Variants in GIPC1 observed in about 807,000 individuals in gnomAD.
The protein encoded by GIPC1 is GIPC PDZ domain containing family member 1, also known as PDZ domain-containing protein GIPC1.
A neutral mutation model predicts 28.5 loss-of-function variants in GIPC1; 15 were observed. The observed-to-expected ratio is 0.53, with a 90% CI of 0.35 to 0.81. The LOEUF is 0.81. Ranked by LOEUF, GIPC1 falls within the 30% of genes least tolerant of loss-of-function variation. GIPC1 has a pLI of 0.01. For synonymous variants in GIPC1, 224 were observed against 206.1 expected (o/e 1.09, Z -0.74); for missense variants, 439 against 481.9 (o/e 0.91, Z 0.83).
intron 3 of GIPC1, among the ~76,000 whole-genome samples, chr19:14,490,321 G>A (rs868241816): frequency 1.3e-5 from 2 of 151,712 alleles, no homozygotes; most frequent in African/African-American, 2.4e-5. Context: ...AATCAAGACC[G>A]TGCCATTGCA....
intron 3 of GIPC1, 81 bp from the exon 4 acceptor site, chr19:14,483,087 A>G: frequency 1.1e-6 from 1 of 903,352 alleles, no homozygotes; most frequent in Non-Finnish European, 1.7e-6. Context: ...ATACAGGCCC[A>G]AGGAAATACT....
chr19:14,480,973 T>C (rs942535422), intron 4 of GIPC1, 195 bp from the exon 5 acceptor site: 2 of 568,018 alleles, frequency 3.5e-6, no homozygotes, highest in African/African-American at 3.8e-5. Flanking sequence ...AGGATTTAGT[T>C]TTCCTTTCTC....
chr19:14,491,476 C>A (rs1030866698), intron 3 of GIPC1, among the ~76,000 whole-genome samples, 180 bp downstream of exon 3: 2 of 151,940 alleles, frequency 1.3e-5, no homozygotes, highest in African/African-American at 4.8e-5. Context: ...CCAGGCTGGT[C>A]TGGAACTCCT....
rs2071642963 is a variant in GIPC1 at position 14,478,292 on chromosome 19, C to G, written c.*124G>C. 1 of 1,003,152 alleles carries G rather than the reference C, an allele frequency of 1.0e-6. No individual in the cohort carries two copies. The highest frequency in any genetic ancestry group is 1.6e-5 in the African/African-American group (1 of 61,512). 62.1% of individuals were successfully genotyped at this position (1,003,152 alleles called of 1,614,324 possible). ...CAGGGGGCCTGGCCCCACCTCCCCT[C>G]ACCATCGTCCTTGGGCTGCTGAGCT... On this transcript the variant is annotated 3_prime_UTR_variant, in exon 9 of 9. Transcript: ENST00000393033. This position sits in a 1 kb window ranked among gnomAD's most constrained non-coding sequence, Gnocchi z 5.2.
rs2071638028 is a variant in GIPC1 at position 14,478,110 on chromosome 19, G to T, written c.*306C>A. 1 of 350,184 alleles carries T rather than the reference G, an allele frequency of 2.9e-6. No individual in the cohort carries two copies. The highest frequency in any genetic ancestry group is 5.3e-6 in the Non-Finnish European group (1 of 189,342). 21.7% of individuals were successfully genotyped at this position (350,184 alleles called of 1,614,324 possible). A position where few individuals can be genotyped will look rare whatever the true frequency, so the allele number is the denominator to read the frequency against. ...AGGGACCAGTTTGGCAGCTGATGGT[G>T]GAAAGTGGTGGAGGCGGGGGTGGCC... On this transcript the variant is annotated 3_prime_UTR_variant, in exon 9 of 9. Transcript: ENST00000393033. The surrounding 1 kb of genome is among the most constrained non-coding windows in gnomAD (Gnocchi z 5.2).
chr19:14,480,528 G>A, intron 5 of GIPC1, 43 bp from the exon 6 acceptor site: 1 of 1,604,650 alleles, frequency 6.2e-7, no homozygotes, highest in Non-Finnish European at 8.5e-7. Context: ...CTCTGCCCTG[G>A]TTTCCGGGGT....
rs754077001 is a variant in GIPC1, at chr19:14,482,796, G to A, written c.181C>T (p.His61Tyr). The change falls in exon 4 of 9, where the codon CAC becomes TAC. Residue 61 changes from histidine to tyrosine, a missense_variant. Transcript: ENST00000393033. ...PPALRPRLVF[H>Y]TQLAHGSPTG... ...GGACTGCCATGGGCCAGCTGGGTGT[G>A]GAACACGAGGCGGGGCCGCAGGGCT... 12 of 1,605,634 alleles carry A rather than the reference G, an allele frequency of 7.5e-6. No homozygotes were observed. In the South Asian group the frequency reaches 1.2e-4, roughly 16 times the overall value.
In GIPC1 at chr19:14,490,055, G is replaced by A. The variant is rs137977110; in HGVS notation, c.-31+1601C>T. Among the ~76,000 whole-genome samples the A allele has an allele frequency of 3.6e-3, 549 of 152,214 alleles. 5 individuals carry two copies. Among genetic ancestry groups the A allele is most frequent in the African/African-American group, 0.012 (513 of 41,528 alleles). ...AATGAGTGCTTGCTCTCAAGAGCCC[G>A]GATTAGTTCTCCAGAACTTACAGTA... On this transcript the variant is annotated intron_variant, in intron 3 of 8. Transcript: ENST00000393033.
At chr19:14,493,958 G>A (rs1427102325) in intron 1 of GIPC1, among the ~76,000 whole-genome samples, 2 of 148,158 alleles carry the variant, frequency 1.3e-5, no homozygotes, top group Non-Finnish European at 3.0e-5. Context: ...ACCACGCCTG[G>A]CCTATTTTTA....
Position 14,487,033 on chromosome 19 carries a change from C to T in GIPC1, c.-30-4027G>A, listed in dbSNP as rs116101834. The stretch of plus-strand genomic sequence containing the variant: ...TGTATTCTGTGCACCATTTTAGATA[C>T]TGTCTTCAATAAAAAAAGCAAGATC... On this transcript the variant is annotated intron_variant, in intron 3 of 8. Transcript: ENST00000393033. Among the ~76,000 whole-genome samples, 960 of 151,410 alleles carry T rather than the reference C, an allele frequency of 6.3e-3. 9 individuals are homozygous for T. Among genetic ancestry groups the T allele is most frequent in the African/African-American group, 0.022 (915 of 41,224 alleles).
At chr19:14,480,557 TC>T in intron 5 of GIPC1, 35 bp downstream of exon 5, 1 of 1,608,290 alleles carries the variant, frequency 6.2e-7, no homozygotes, top group Non-Finnish European at 8.5e-7. Flanking sequence ...CCACCCTCAC[TC>T]CCAGGCCTCC....
chr19:14,479,585 G>A, intron 6 of GIPC1, 61 bp from the exon 7 acceptor site: 2 of 847,886 alleles, frequency 2.4e-6, no homozygotes, highest in South Asian at 2.3e-5. Context: ...GTTCTGGGCA[G>A]GAACTTGTCC....
In GIPC1 at chr19:14,496,042, C is replaced by CCGT. The variant is rs1599369481; in HGVS notation, c.-181_-180insACG. ...TTCTCGCAGAGGCCACTCACCTGCT[C>CCGT]CGCCGCCGCCGCCGCCGCCGCCGCC... is the stretch of plus-strand genomic sequence containing the variant. On this transcript the variant is annotated 5_prime_UTR_variant, in exon 1 of 9. Coordinates refer to ENST00000393033, the MANE Select transcript of GIPC1 (RefSeq NM_005716.4). The CCGT allele has an allele frequency of 6.7e-5, 5 of 74,106 alleles. No individual in the cohort carries two copies. In the East Asian group the frequency reaches 6.8e-4, roughly 10 times the overall value. 4.6% of individuals were successfully genotyped at this position (74,106 alleles called of 1,614,324 possible).
At chr19:14,486,712 C>CTTTCT (rs2071852296) in intron 3 of GIPC1, among the ~76,000 whole-genome samples, 1 of 124,756 alleles carries the variant, frequency 8.0e-6, no homozygotes, top group African/African-American at 3.0e-5. Flanking sequence ...TTCTTTCTTT[C>CTTTCT]TTTTTTTTTT....
In GIPC1 at chr19:14,482,922, C is replaced by T. The variant is rs763404261; in HGVS notation, c.55G>A (p.Glu19Lys). 10 of 1,610,148 alleles carry T rather than the reference C, an allele frequency of 6.2e-6. No individual in the cohort carries two copies. Among genetic ancestry groups the T allele is most frequent in the Non-Finnish European group, 7.6e-6 (9 of 1,178,994 alleles). ...KKAPPLVENE[E>K]AEPGRGGLGV... ...AGCCCTCCACGGCCTGGCTCAGCCTCCTCATTTTCCACTAGAGGGGGCGCC... is the reference window on the plus strand; with the variant it reads ...AGCCCTCCACGGCCTGGCTCAGCCTTCTCATTTTCCACTAGAGGGGGCGCC... Residue 19 changes from glutamate (E) to lysine (K), a missense_variant, in exon 4 of 9, where the codon GAG (glutamate) becomes AAG (lysine). Transcript: ENST00000393033.
intron 4 of GIPC1, chr19:14,481,609 TA>T (rs1264722866): frequency 2.0e-5 from 3 of 149,988 alleles, no homozygotes; most frequent in Non-Finnish European, 4.4e-5. Context: ...TAATCCCAGC[TA>T]CTCGGGAGGC....
chr19:14,486,415 G>A (rs756562444), intron 3 of GIPC1, among the ~76,000 whole-genome samples: 4 of 152,118 alleles, frequency 2.6e-5, no homozygotes, highest in Non-Finnish European at 4.4e-5. Flanking sequence ...ATTATTTCTG[G>A]CAAATAGGTT....
At chr19:14,489,772 T>C in intron 3 of GIPC1, among the ~76,000 whole-genome samples, 1 of 152,230 alleles carries the variant, frequency 6.6e-6, no homozygotes, top group East Asian at 1.9e-4. Flanking sequence ...GTTCTGAATA[T>C]ACAATATTAG....
chr19:14,479,901 G>A (rs117968438), intron 6 of GIPC1: 7,821 of 406,838 alleles, frequency 0.019, 132 homozygotes, highest in East Asian at 0.072. Context: ...AGCCCTACCT[G>A]CCCAGGGAAG....
Sources: gnomAD v4.1 joint callset for allele counts (sites outside exome capture counted in the v4.1 genomes callset) on GRCh38, gnomAD v4.1.1 for gene constraint, Gnocchi (gnomAD v3.1) non-coding constraint, MANE v1.5 for transcripts, NCBI Gene and HGNC (gene_info 2026-07-23, HGNC 2026-07-21) for gene names.